The following TTC28 variants were observed in gnomAD, a reference collection of about 807,000 sequenced individuals.
TTC28 encodes the protein tetratricopeptide repeat protein 28.
A neutral mutation model predicts 198.0 loss-of-function variants in TTC28; 61 were observed. The ratio of observed to expected loss-of-function variants is 0.31; its 90% CI spans 0.25 to 0.38. TTC28 has a LOEUF of 0.38. Ranked by LOEUF, TTC28 falls within the 10% of genes least tolerant of loss-of-function variation. The pLI is 1.00. For missense variants in TTC28, 2,678 were observed against 3,164.0 expected, an observed-to-expected ratio of 0.85 and a Z score of 3.69; for synonymous variants, 1,171 against 1,297.8, an observed-to-expected ratio of 0.90 and a Z score of 2.10.
intron 2 of TTC28, among the ~76,000 whole-genome samples, chr22:28,322,115 C>T (rs1354251414): frequency 1.3e-5 from 2 of 152,154 alleles, no homozygotes; most frequent in African/African-American, 4.8e-5. Context: ...CAGGCATGAG[C>T]CACCGTGCCT....
At chr22:28,554,677 C>G (rs2049758742) in intron 2 of TTC28, among the ~76,000 whole-genome samples, 1 of 152,010 alleles carries the variant, frequency 6.6e-6, no homozygotes, top group African/African-American at 2.4e-5. Context: ...TCGAGACCAG[C>G]CTGGCCAACA....
Position 27,983,654 on chromosome 22 carries a change from C to CA in TTC28, c.6012dup (p.Val2005CysfsTer20). On this transcript the variant is annotated frameshift_variant, in exon 23 of 23. Coordinates refer to ENST00000397906, the MANE Select transcript of TTC28 (RefSeq NM_001145418.2). LOFTEE classifies it low-confidence loss of function (END_TRUNC). ...TCTGATCCACCCTCGGGTTTGGAGA[C>CA]AAAGCTCATTGAGGAGGCAATGGAG... 1 of 1,544,384 alleles carries CA rather than the reference C, an allele frequency of 6.5e-7. No individual in the cohort carries two copies. Among genetic ancestry groups the CA allele is most frequent in the Non-Finnish European group, 8.7e-7 (1 of 1,143,724 alleles).
At chr22:28,243,435 G>A (rs552063859) in intron 5 of TTC28, among the ~76,000 whole-genome samples, 83 of 140,964 alleles carry the variant, frequency 5.9e-4, no homozygotes, top group South Asian at 2.7e-3. Context: ...TTTTTTTTTC[G>A]TTTTTCTGTG....
chr22:28,030,164 T>A, intron 13 of TTC28, 62 bp downstream of exon 13: 5 of 1,534,246 alleles, frequency 3.3e-6, no homozygotes, highest in South Asian at 2.5e-5. Flanking sequence ...ACTGAAAGCA[T>A]ATTATCTGTG....
chr22:28,428,567 T>C (rs2047383895), intron 2 of TTC28, among the ~76,000 whole-genome samples: 1 of 152,166 alleles, frequency 6.6e-6, no homozygotes, highest in African/African-American at 2.4e-5. Flanking sequence ...TCATATTATA[T>C]CTGAATCTGC....
chr22:28,639,979 G>C (rs1019054601), intron 1 of TTC28, among the ~76,000 whole-genome samples: 29 of 152,072 alleles, frequency 1.9e-4, no homozygotes, highest in African/African-American at 6.8e-4. Context: ...CTAACAACAA[G>C]ATTAATAAAC....
At chr22:28,275,831 G>A (rs1932384798) in intron 5 of TTC28, among the ~76,000 whole-genome samples, 1 of 152,044 alleles carries the variant, frequency 6.6e-6, no homozygotes, top group Non-Finnish European at 1.5e-5. Flanking sequence ...ATGGTGAGAA[G>A]ATTGTCAATG....
intron 6 of TTC28, among the ~76,000 whole-genome samples, chr22:28,157,079 C>T (rs926828170): frequency 1.1e-4 from 17 of 152,006 alleles, no homozygotes; most frequent in Non-Finnish European, 1.9e-4. Context: ...AGAGCAGATA[C>T]AAATTAATAA....
intron 2 of TTC28, among the ~76,000 whole-genome samples, chr22:28,502,695 CT>C (rs894904722): frequency 2.0e-5 from 3 of 151,972 alleles, no homozygotes; most frequent in Non-Finnish European, 4.4e-5. Context: ...TCCTGAAGTC[CT>C]TCTAAAGAGC....
intron 5 of TTC28, among the ~76,000 whole-genome samples, chr22:28,243,064 G>A (rs1170732117): frequency 6.7e-5 from 10 of 148,150 alleles, no homozygotes; most frequent in African/African-American, 2.2e-4. Context: ...TGGGCCAGGC[G>A]CAGTGGCTCA....
intron 2 of TTC28, among the ~76,000 whole-genome samples, chr22:28,613,315 C>A (rs529779520): frequency 2.0e-5 from 3 of 152,096 alleles, no homozygotes; most frequent in African/African-American, 7.2e-5. Flanking sequence ...TAATAGCCTA[C>A]CAACCAAAAA....
chr22:28,060,023 T>C, intron 12 of TTC28, among the ~76,000 whole-genome samples: 2 of 152,222 alleles, frequency 1.3e-5, no homozygotes, highest in Middle Eastern at 6.8e-3. Context: ...CTTAATATTG[T>C]ACTATTTAGT....
chr22:28,496,273 T>C (rs2048454135), intron 2 of TTC28, among the ~76,000 whole-genome samples: 1 of 152,110 alleles, frequency 6.6e-6, no homozygotes, highest in South Asian at 2.1e-4. Context: ...CACTGTCATC[T>C]CCCTGAACTC....
chr22:28,192,387 C>T (rs1924905188), intron 5 of TTC28, among the ~76,000 whole-genome samples: 1 of 152,182 alleles, frequency 6.6e-6, no homozygotes, highest in Admixed American at 6.5e-5. Context: ...AGTGCCTCTC[C>T]TCCTTCAAAG....
chr22:28,492,207 C>T (rs1226973598), intron 2 of TTC28, among the ~76,000 whole-genome samples: 3 of 152,070 alleles, frequency 2.0e-5, no homozygotes, highest in Non-Finnish European at 4.4e-5. Flanking sequence ...CACATGTACA[C>T]ATATGTAACA....
At chr22:28,078,761 C>T (rs576132646) in intron 12 of TTC28, among the ~76,000 whole-genome samples, 1 of 152,244 alleles carries the variant, frequency 6.6e-6, no homozygotes, top group South Asian at 2.1e-4. Context: ...TACTATGTTC[C>T]TGAGCTGCCC....
chr22:28,572,838 T>G (rs965727195), intron 2 of TTC28, among the ~76,000 whole-genome samples: 1 of 152,114 alleles, frequency 6.6e-6, no homozygotes, highest in Non-Finnish European at 1.5e-5. Flanking sequence ...TATGTACAGT[T>G]ATGTAATGCT....
chr22:28,038,549 C>T (rs946241187), intron 12 of TTC28, among the ~76,000 whole-genome samples: 5 of 152,044 alleles, frequency 3.3e-5, no homozygotes, highest in East Asian at 1.9e-4. Flanking sequence ...AATGTTAGAC[C>T]GAAAACCATA....
At chr22:28,479,547 T>C (rs1325304025) in intron 2 of TTC28, among the ~76,000 whole-genome samples, 1 of 152,182 alleles carries the variant, frequency 6.6e-6, no homozygotes, top group African/African-American at 2.4e-5. Context: ...TAACAGAATT[T>C]CCATTCTTGT....
Sources: allele counts gnomAD v4.1 joint callset (sites outside exome capture counted in the v4.1 genomes callset), GRCh38; gene constraint gnomAD v4.1.1; transcripts MANE v1.5; gene names NCBI Gene and HGNC (gene_info 2026-07-23, HGNC 2026-07-21).